The following ABCC4 variants were observed in gnomAD, a reference collection of about 807,000 sequenced individuals.
ABCC4 encodes the protein ATP-binding cassette sub-family C member 4.
ABCC4 carries 102 observed loss-of-function variants against 168.5 expected under a neutral mutation model. The observed-to-expected ratio is 0.61, with a 90% CI of 0.52 to 0.71. The LOEUF (loss-of-function observed/expected upper bound fraction) is 0.71. Ranked by LOEUF, ABCC4 falls within the 30% of genes least tolerant of loss-of-function variation. The pLI, the probability that ABCC4 is intolerant of heterozygous loss-of-function variation, is 0.00. For missense variants in ABCC4, 1,402 were observed against 1,605.8 expected, an observed-to-expected ratio of 0.87 and a Z score of 2.17; for synonymous variants, 617 against 590.7, an observed-to-expected ratio of 1.04 and a Z score of -0.65.
At chr13:95,256,571 C>T (rs117684370) in intron 1 of ABCC4, among the ~76,000 whole-genome samples, 4,350 of 152,232 alleles carry the variant, frequency 0.029, 99 homozygotes, top group Middle Eastern at 0.048. Flanking sequence ...GCCTGGACAA[C>T]ATGGCAAAAC....
At chr13:95,112,151 G>A (rs968499642) in intron 20 of ABCC4, among the ~76,000 whole-genome samples, 4 of 152,226 alleles carry the variant, frequency 2.6e-5, no homozygotes, top group South Asian at 2.1e-4. Context: ...TTAGGAGTTC[G>A]AGACCAGCCT....
intron 1 of ABCC4, among the ~76,000 whole-genome samples, chr13:95,281,690 G>T (rs922824370): frequency 4.6e-5 from 7 of 152,270 alleles, no homozygotes; most frequent in African/African-American, 1.7e-4. Context: ...CAGTCTAACA[G>T]AGGACACATT....
In ABCC4 at chr13:95,115,980, G is replaced by A. The variant is rs759617176; in HGVS notation, c.2477C>T (p.Ser826Phe). Residue 826 changes from serine to phenylalanine, a missense_variant, in exon 20 of 31, where the codon TCC becomes TTC. Ser to Phe is a radical substitution (Grantham distance 155). Transcript: ENST00000645237. ...NPIGRILNRFSKDIGHLDDLL... is the reference protein window; with the variant it reads ...NPIGRILNRFFKDIGHLDDLL... ...ATCATCCAAGTGTCCAATGTCTTTG[G>A]AGAAACGATTTAAAATTCTTCCTGC... 4 of 1,612,586 alleles carry A rather than the reference G, an allele frequency of 2.5e-6. No homozygotes were observed. Among genetic ancestry groups the A allele is most frequent in the Non-Finnish European group, 3.4e-6 (4 of 1,179,658 alleles).
intron 25 of ABCC4, among the ~76,000 whole-genome samples, chr13:95,069,831 C>T (rs2033667312): frequency 6.6e-6 from 1 of 152,214 alleles, no homozygotes. Flanking sequence ...TTCCATTATG[C>T]GTGCGTATCA....
Position 95,206,553 on chromosome 13 carries a change from G to A in ABCC4, c.1140C>T (p.Ile380=), listed in dbSNP as rs781296772. 2.0e-5 allele frequency: 32 copies of A among 1,613,722 alleles called. No homozygotes were observed. Among genetic ancestry groups the A allele is most frequent in the Non-Finnish European group, 2.5e-5 (30 of 1,179,788 alleles). ...PSAIERVSEA[I]VSIRRIQTFL... is the part of the protein sequence containing the mutation. ...CAACCTGGATTCTTCGGATGCTGAC[G>A]ATTGCCTCTGACACCCTCTCAATGG... The change falls in exon 8 of 31, where the codon ATC becomes ATT. Residue 380 remains isoleucine (I), a synonymous_variant. Transcript: ENST00000645237.
rs148901136 is a variant in ABCC4, at chr13:95,077,839, C to A, written c.2687-2288G>T. ...GTGCCCACTGTACACACAGACACTG[C>A]ACATTTGGGGGTGCTGGGGTACCAG... On this transcript the variant is annotated intron_variant, in intron 21 of 30. Transcript: ENST00000645237. Among the ~76,000 whole-genome samples the A allele has an allele frequency of 6.3e-3, 961 of 152,270 alleles. 9 individuals are homozygous for A. The highest frequency in any genetic ancestry group is 0.021 in the African/African-American group (880 of 41,540).
At chr13:95,238,242 TA>T (rs1309555674) in intron 3 of ABCC4, among the ~76,000 whole-genome samples, 5 of 132,390 alleles carry the variant, frequency 3.8e-5, no homozygotes, top group Admixed American at 7.5e-5. Flanking sequence ...GGGACAAAAC[TA>T]GGGTTGAGAA....
chr13:95,283,259 G>A (rs1594439057), intron 1 of ABCC4, among the ~76,000 whole-genome samples: 1 of 151,586 alleles, frequency 6.6e-6, no homozygotes, highest in Non-Finnish European at 1.5e-5. Context: ...GTGGCAGTGG[G>A]TCTCAAACAT....
At chr13:95,280,753 T>C (rs913125980) in intron 1 of ABCC4, among the ~76,000 whole-genome samples, 1 of 152,032 alleles carries the variant, frequency 6.6e-6, no homozygotes, top group African/African-American at 2.4e-5. Flanking sequence ...CCCGAGGAAC[T>C]GTGGACATGA....
At chr13:95,130,075 TAAAAA>T (rs539290300) in intron 19 of ABCC4, among the ~76,000 whole-genome samples, 1 of 129,422 alleles carries the variant, frequency 7.7e-6, no homozygotes, top group Non-Finnish European at 1.7e-5. Flanking sequence ...AACTCCATCT[TAAAAA>T]AAAAAAAAAA....
chr13:95,134,664 G>A (rs1255679578), intron 19 of ABCC4, among the ~76,000 whole-genome samples: 1 of 152,108 alleles, frequency 6.6e-6, no homozygotes, highest in Non-Finnish European at 1.5e-5. Flanking sequence ...AGGTTGCAGT[G>A]AGCCAAGATC....
rs574857152 is a variant in ABCC4, at chr13:95,183,384, C to T, written c.1545+3317G>A. Among the ~76,000 whole-genome samples, 4 of 152,246 alleles carry T rather than the reference C, an allele frequency of 2.6e-5. No individual in the cohort carries two copies. The South Asian group carries it at 8.3e-4, about 32-fold the overall frequency. ...ACAAGCCAGAATAATTCCAGTATTG[C>T]TATTCTCTATGGCCATCTAACACCC... On this transcript the variant is annotated intron_variant, in intron 11 of 30. Coordinates refer to ENST00000645237, the MANE Select transcript of ABCC4 (RefSeq NM_005845.5).
At chr13:95,266,079 C>T (rs1230331703) in intron 1 of ABCC4, 8 of 152,178 alleles carry the variant, frequency 5.3e-5, no homozygotes, top group Non-Finnish European at 1.0e-4. Context: ...AAGATATGCC[C>T]AAGTCCTGAC....
At chr13:95,040,619 T>A (rs2032315704) in intron 29 of ABCC4, among the ~76,000 whole-genome samples, 1 of 152,220 alleles carries the variant, frequency 6.6e-6, no homozygotes, top group African/African-American at 2.4e-5. Flanking sequence ...TTTCAAGAAG[T>A]AATTTTTCCT....
At chr13:95,169,012 C>T (rs2037378269) in intron 14 of ABCC4, among the ~76,000 whole-genome samples, 1 of 152,166 alleles carries the variant, frequency 6.6e-6, no homozygotes, top group African/African-American at 2.4e-5. Context: ...GCCAGAGAGA[C>T]ACAGCGACAA....
intron 20 of ABCC4, among the ~76,000 whole-genome samples, chr13:95,112,750 GTTTC>G (rs1463660691): frequency 6.6e-6 from 1 of 152,104 alleles, no homozygotes; most frequent in South Asian, 2.1e-4. Flanking sequence ...CTTTCTGTGA[GTTTC>G]TCTGGGCTTA....
chr13:95,110,474 A>C (rs2035166342), intron 20 of ABCC4, among the ~76,000 whole-genome samples: 1 of 152,200 alleles, frequency 6.6e-6, no homozygotes, highest in Non-Finnish European at 1.5e-5. Flanking sequence ...CCCATCAAAT[A>C]CTACAAATAA....
chr13:95,238,150 C>T (rs961894124), intron 3 of ABCC4, among the ~76,000 whole-genome samples: 22 of 145,398 alleles, frequency 1.5e-4, no homozygotes, highest in Admixed American at 3.5e-4. Context: ...GCCAAGATCG[C>T]GCCACTGCAC....
chr13:95,073,297 A>G lies in ABCC4; in HGVS notation c.2925T>C (p.Asp975=). 6.2e-7 allele frequency: 1 copy of G among 1,613,140 alleles called. No individual in the cohort carries two copies. Among genetic ancestry groups the G allele is most frequent in the Non-Finnish European group, 8.5e-7 (1 of 1,179,438 alleles). Residue 975 remains aspartate, a synonymous_variant, in exon 24 of 31, where the codon GAT becomes GAC. Transcript: ENST00000645237. ...FGSLILAKTL[D]AGQVGLALSY... is the part of the protein sequence containing the mutation. ...ACAGTGCCAAACCAACCTGCCCGGC[A>G]TCCAGAGCTACGTAAGGAGGAAGAA...
Sources: gnomAD v4.1 joint callset for allele counts (sites outside exome capture counted in the v4.1 genomes callset) on GRCh38, gnomAD v4.1.1 for gene constraint, MANE v1.5 for transcripts, NCBI Gene and HGNC (gene_info 2026-07-23, HGNC 2026-07-21) for gene names.